The following DOCK3 variants were observed in gnomAD, a reference collection of about 807,000 sequenced individuals.
The protein encoded by DOCK3 is dedicator of cytokinesis 3, also known as dedicator of cytokinesis protein 3.
Under a neutral mutation model 265.6 loss-of-function variants are expected in DOCK3, and 60 were observed. The observed-to-expected ratio is 0.23, with a 90% CI of 0.18 to 0.28. DOCK3 has a LOEUF of 0.28. DOCK3 is among the 10% of genes least tolerant of loss of function. The pLI is 1.00. For synonymous variants in DOCK3, 881 were observed against 938.0 expected, an observed-to-expected ratio of 0.94 and a Z score of 1.11; for missense variants, 1,981 against 2,594.3, an observed-to-expected ratio of 0.76 and a Z score of 5.14.
At chr3:50,916,372 A>G (rs1490171938) in intron 4 of DOCK3, among the ~76,000 whole-genome samples, 1 of 151,942 alleles carries the variant, frequency 6.6e-6, no homozygotes, top group African/African-American at 2.4e-5. Context: ...GCTCACTGCA[A>G]GCTCCGCCTC....
chr3:50,906,469 G>A (rs917407230), intron 4 of DOCK3, among the ~76,000 whole-genome samples: 20 of 151,990 alleles, frequency 1.3e-4, no homozygotes, highest in Non-Finnish European at 2.1e-4. Flanking sequence ...CAGGGATTCA[G>A]CTTCTTCCTG....
chr3:50,953,213 G>T (rs112072343), intron 5 of DOCK3, among the ~76,000 whole-genome samples: 46 of 152,200 alleles, frequency 3.0e-4, no homozygotes, highest in African/African-American at 9.9e-4. Context: ...GTCTTAAAAT[G>T]TAATTTTAAA....
chr3:51,271,051 T>A lies in DOCK3; in HGVS notation c.2548+44T>A, dbSNP rs753562322. On this transcript the variant is annotated intron_variant, in intron 24 of 52. Transcript: ENST00000266037. ...AGAGTCCTCCTTCCTTCCAGGGGTG[T>A]CCTCCTTCCTTCCAGGGGTGATAGC... 5.7e-6 allele frequency: 9 copies of A among 1,568,884 alleles called. No individual in the cohort carries two copies. In the East Asian group the frequency reaches 1.1e-4, roughly 20 times the overall value.
At chr3:51,281,274 A>AAT (rs56084027) in intron 27 of DOCK3, among the ~76,000 whole-genome samples, 5,261 of 125,398 alleles carry the variant, frequency 0.042, 136 homozygotes, top group Admixed American at 0.059. Context: ...GATGAGCTAA[A>AAT]ATATATATAT....
At chr3:50,939,229 T>C (rs2051563367) in intron 5 of DOCK3, among the ~76,000 whole-genome samples, 1 of 152,044 alleles carries the variant, frequency 6.6e-6, no homozygotes, top group Admixed American at 6.6e-5. Flanking sequence ...CAAGACAAAA[T>C]AGATAATCTG....
At chr3:50,967,989 G>T (rs9811602) in intron 5 of DOCK3, among the ~76,000 whole-genome samples, 1 of 152,168 alleles carries the variant, frequency 6.6e-6, no homozygotes, top group African/African-American at 2.4e-5. Context: ...ACTAATTTAC[G>T]TTCCCACTAC....
chr3:51,194,251 T>C (rs2088133043), intron 12 of DOCK3, among the ~76,000 whole-genome samples: 1 of 152,206 alleles, frequency 6.6e-6, no homozygotes, highest in Non-Finnish European at 1.5e-5. Flanking sequence ...TTTTATTCCA[T>C]TGTGGTTTGA....
chr3:50,778,121 GGAATCA>G (rs1185447839), intron 1 of DOCK3, among the ~76,000 whole-genome samples: 29 of 151,944 alleles, frequency 1.9e-4, no homozygotes, highest in Non-Finnish European at 4.0e-4. Flanking sequence ...TATGAATTTT[GGAATCA>G]GTTTGTCAAT....
intron 5 of DOCK3, among the ~76,000 whole-genome samples, chr3:50,974,570 G>A (rs2077366826): frequency 6.6e-6 from 1 of 151,182 alleles, no homozygotes; most frequent in African/African-American, 2.4e-5. Context: ...AAGTCAGGTA[G>A]TGTGATGTCT....
intron 2 of DOCK3, among the ~76,000 whole-genome samples, chr3:50,831,061 G>T (rs568319167): frequency 3.3e-5 from 5 of 151,924 alleles, no homozygotes; most frequent in African/African-American, 1.2e-4. Flanking sequence ...GCACTGGTGG[G>T]CATGTCTTTT....
At chr3:50,834,277 T>G (rs1042821083) in intron 2 of DOCK3, among the ~76,000 whole-genome samples, 4 of 151,990 alleles carry the variant, frequency 2.6e-5, no homozygotes, top group Admixed American at 1.3e-4. Flanking sequence ...TTGAAGAGGA[T>G]CTAAACAAGA....
chr3:50,997,158 C>T (rs929531946), intron 5 of DOCK3, among the ~76,000 whole-genome samples: 23 of 152,266 alleles, frequency 1.5e-4, no homozygotes, highest in Non-Finnish European at 2.9e-4. Flanking sequence ...TCTCTGTATA[C>T]CCAGTGCCTA....
At chr3:50,991,931 A>G (rs922936101) in intron 5 of DOCK3, among the ~76,000 whole-genome samples, 10 of 152,242 alleles carry the variant, frequency 6.6e-5, no homozygotes, top group African/African-American at 1.7e-4. Context: ...AGTCAAGACT[A>G]TAAAAATCAC....
At chr3:51,253,119 A>G (rs1200649132) in intron 22 of DOCK3, among the ~76,000 whole-genome samples, 1 of 152,340 alleles carries the variant, frequency 6.6e-6, no homozygotes, top group Non-Finnish European at 1.5e-5. Context: ...TATTGAGATA[A>G]TCATGTGGTT....
intron 3 of DOCK3, among the ~76,000 whole-genome samples, chr3:50,885,220 T>G (rs1328440945): frequency 3.3e-5 from 5 of 152,196 alleles, no homozygotes. Flanking sequence ...TGTGGCTTTG[T>G]AGCTCATTTC....
chr3:50,895,449 A>G (rs2048851108), intron 4 of DOCK3, among the ~76,000 whole-genome samples: 1 of 151,818 alleles, frequency 6.6e-6, no homozygotes, highest in South Asian at 2.1e-4. Flanking sequence ...ATGGCAGTAC[A>G]TAGGCCGTCA....
At chr3:50,991,513 G>T (rs1206482842) in intron 5 of DOCK3, among the ~76,000 whole-genome samples, 1 of 152,164 alleles carries the variant, frequency 6.6e-6, no homozygotes, top group African/African-American at 2.4e-5. Flanking sequence ...TCATCATAAA[G>T]GGTTCAATTC....
intron 1 of DOCK3, 70 bp from the exon 2 acceptor site, chr3:50,778,605 A>G: frequency 8.5e-7 from 1 of 1,175,812 alleles, no homozygotes; most frequent in Non-Finnish European, 1.2e-6. Context: ...TTTAGTGCTT[A>G]ATTCAGTGAC....
intron 6 of DOCK3, among the ~76,000 whole-genome samples, chr3:51,066,690 A>C (rs2081602342): frequency 6.6e-6 from 1 of 152,200 alleles, no homozygotes; most frequent in Non-Finnish European, 1.5e-5. Context: ...TAGAAGAATA[A>C]ATCAGGAAAG....
Sources: gnomAD v4.1 joint callset for allele counts (sites outside exome capture counted in the v4.1 genomes callset) on GRCh38, gnomAD v4.1.1 for gene constraint, MANE v1.5 for transcripts, NCBI Gene and HGNC (gene_info 2026-07-23, HGNC 2026-07-21) for gene names.